Variants in OXCT1 observed in about 807,000 individuals in gnomAD.
OXCT1 encodes the protein 3-oxoacid CoA-transferase 1, also known as succinyl-CoA:3-ketoacid coenzyme A transferase 1, mitochondrial.
Under a neutral mutation model 69.6 loss-of-function variants are expected in OXCT1, and 27 were observed. The ratio of observed to expected loss-of-function variants is 0.39; its 90% CI spans 0.29 to 0.54. The LOEUF (loss-of-function observed/expected upper bound fraction) is 0.54, where lower values mean the gene tolerates loss of function less well. Among genes scored for constraint, OXCT1 ranks in the 20% least tolerant of loss-of-function variants. The pLI is 0.72. For missense variants in OXCT1, 437 were observed against 650.2 expected (o/e 0.67, Z 3.57); for synonymous variants, 202 against 217.8 (o/e 0.93, Z 0.64).
chr5:41,745,590 A>G (rs1743439508), intron 15 of OXCT1, among the ~76,000 whole-genome samples: 1 of 152,202 alleles, frequency 6.6e-6, no homozygotes, highest in African/African-American at 2.4e-5. Flanking sequence ...AAAACCCTTC[A>G]AAAAATCAGT....
intron 13 of OXCT1, among the ~76,000 whole-genome samples, chr5:41,784,646 T>C (rs768943679): frequency 6.6e-6 from 1 of 152,212 alleles, no homozygotes; most frequent in Non-Finnish European, 1.5e-5. Context: ...GCCACAGATG[T>C]GAACTTGAAT....
At chr5:41,795,941 T>C (rs1417843987) in intron 11 of OXCT1, among the ~76,000 whole-genome samples, 2 of 152,176 alleles carry the variant, frequency 1.3e-5, no homozygotes, top group Non-Finnish European at 2.9e-5. Context: ...AATTCCTTAA[T>C]TTCATTTGGC....
chr5:41,749,461 A>G, intron 15 of OXCT1, 66 bp downstream of exon 15: 2 of 935,398 alleles, frequency 2.1e-6, no homozygotes, highest in Non-Finnish European at 3.5e-6. Context: ...ACACTCTTAG[A>G]AGGTAACAAA....
chr5:41,784,997 C>T (rs1165757683), intron 13 of OXCT1, among the ~76,000 whole-genome samples: 5 of 152,066 alleles, frequency 3.3e-5, no homozygotes, highest in Non-Finnish European at 5.9e-5. Flanking sequence ...AACATGTTTT[C>T]CAGATAGTCA....
chr5:41,787,634 C>CAAAAAA (rs765691863), intron 13 of OXCT1, among the ~76,000 whole-genome samples: 3 of 34,724 alleles, frequency 8.6e-5, no homozygotes, highest in African/African-American at 2.8e-4. Flanking sequence ...AAGCATTAGG[C>CAAAAAA]AAAAAAAAAA....
intron 2 of OXCT1, among the ~76,000 whole-genome samples, chr5:41,861,690 A>G (rs1046525139): frequency 1.6e-4 from 25 of 152,166 alleles, no homozygotes; most frequent in African/African-American, 5.3e-4. Context: ...ACTTAACTAT[A>G]TATCTATTGT....
chr5:41,764,435 G>C (rs2112110411), intron 13 of OXCT1, among the ~76,000 whole-genome samples: 1 of 152,216 alleles, frequency 6.6e-6, no homozygotes, highest in South Asian at 2.1e-4. Flanking sequence ...TATAAGTGTT[G>C]CTGTATACTA....
intron 7 of OXCT1, among the ~76,000 whole-genome samples, chr5:41,837,549 A>T (rs1471376300): frequency 6.6e-6 from 1 of 150,746 alleles, no homozygotes; most frequent in Non-Finnish European, 1.5e-5. Context: ...TCTCTAAGGT[A>T]GATGGTACTA....
chr5:41,756,826 C>T (rs1193131677), intron 14 of OXCT1, among the ~76,000 whole-genome samples: 1 of 151,974 alleles, frequency 6.6e-6, no homozygotes, highest in Non-Finnish European at 1.5e-5. Flanking sequence ...ATGTGGATAG[C>T]TAGGAAAAAG....
At chr5:41,774,370 A>T (rs1473051617) in intron 13 of OXCT1, among the ~76,000 whole-genome samples, 1 of 152,226 alleles carries the variant, frequency 6.6e-6, no homozygotes, top group African/African-American at 2.4e-5. Flanking sequence ...AGCAACAAGC[A>T]CACCTAGCAC....
At chr5:41,832,432 T>C (rs980678492) in intron 7 of OXCT1, among the ~76,000 whole-genome samples, 1 of 152,122 alleles carries the variant, frequency 6.6e-6, no homozygotes, top group African/African-American at 2.4e-5. Context: ...AGAAAATTCT[T>C]CTGGATATTA....
At position 41,870,011 on chromosome 5, in the gene OXCT1, C is replaced by A; in HGVS notation, c.78+270G>T. 2.0e-6 allele frequency: 1 copy of A among 497,922 alleles called. No individual in the cohort carries two copies. Among genetic ancestry groups the A allele is most frequent in the Non-Finnish European group, 3.7e-6 (1 of 272,018 alleles). 30.8% of individuals were successfully genotyped at this position (497,922 alleles called of 1,614,324 possible). ...GGGCTCGGGAGCGCTGCCAGGAGTC[C>A]TCCCGCCCCTTCTCAGCCTCTCCGC... On this transcript the variant is annotated intron_variant, in intron 1 of 16. Transcript: ENST00000196371. This position sits in a 1 kb window ranked among gnomAD's most constrained non-coding sequence, Gnocchi z 4.2.
At chr5:41,745,057 G>C (rs1192720638) in intron 15 of OXCT1, among the ~76,000 whole-genome samples, 1 of 151,914 alleles carries the variant, frequency 6.6e-6, no homozygotes, top group Non-Finnish European at 1.5e-5. Context: ...GGACCTAATA[G>C]ATACTACAGA....
intron 16 of OXCT1, among the ~76,000 whole-genome samples, chr5:41,737,063 T>C (rs889032150): frequency 1.3e-5 from 2 of 152,210 alleles, no homozygotes; most frequent in Non-Finnish European, 2.9e-5. Flanking sequence ...GCTCTAGCCT[T>C]ACAGAAAACA....
At position 41,870,225 on chromosome 5, in the gene OXCT1, C is replaced by A; in HGVS notation, c.78+56G>T. ...CAGAGAAGAAAACGCGGGCACCACT[C>A]AGGGTTTGGTCCACGTTCTTCCTGC... is the stretch of plus-strand genomic sequence containing the variant. On this transcript the variant is annotated intron_variant, in intron 1 of 16. Transcript: ENST00000196371. This position sits in a 1 kb window ranked among gnomAD's most constrained non-coding sequence, Gnocchi z 4.2. 1.4e-6 allele frequency: 2 copies of A among 1,382,514 alleles called. No individual in the cohort carries two copies. Among genetic ancestry groups the A allele is most frequent in the South Asian group, 1.2e-5 (1 of 85,640 alleles). The allele number at this position is 1,382,514 out of a possible 1,614,324, so 85.6% of individuals were successfully genotyped here.
At chr5:41,867,515 G>C (rs1175057369) in intron 1 of OXCT1, among the ~76,000 whole-genome samples, 3 of 152,188 alleles carry the variant, frequency 2.0e-5, no homozygotes, top group Non-Finnish European at 4.4e-5. Flanking sequence ...GCACACATAT[G>C]ACACTTGGTG....
At position 41,762,882 on chromosome 5, in the gene OXCT1, G is replaced by T. The variant is rs2112104550; in HGVS notation, c.1249-682C>A. On this transcript the variant is annotated intron_variant, in intron 13 of 16. Coordinates refer to ENST00000196371, the MANE Select transcript of OXCT1 (RefSeq NM_000436.4). The surrounding 1 kb of genome is among the most constrained non-coding windows in gnomAD (Gnocchi z 4.0). ...TATACTTTTACCAACCACCTTCTAT[G>T]TACCACATGCTCTGAAAAAGTCCAT... Among the ~76,000 whole-genome samples, 1 of 152,136 alleles carries T rather than the reference G, an allele frequency of 6.6e-6. No homozygotes were observed. The highest frequency in any genetic ancestry group is 2.1e-4 in the South Asian group (1 of 4,826).
chr5:41,844,633 C>T (rs1310301855), intron 5 of OXCT1, among the ~76,000 whole-genome samples: 1 of 152,038 alleles, frequency 6.6e-6, no homozygotes. Flanking sequence ...AGACTCTCCC[C>T]TGATATGACG....
chr5:41,823,620 A>G (rs1276684470), intron 7 of OXCT1, among the ~76,000 whole-genome samples: 1 of 151,966 alleles, frequency 6.6e-6, no homozygotes, highest in Non-Finnish European at 1.5e-5. Flanking sequence ...ATAATTGTTG[A>G]TTTTTCAGTT....
Sources: gnomAD v4.1 joint callset for allele counts (sites outside exome capture counted in the v4.1 genomes callset) on GRCh38, gnomAD v4.1.1 for gene constraint, Gnocchi (gnomAD v3.1) non-coding constraint, MANE v1.5 for transcripts, NCBI Gene and HGNC (gene_info 2026-07-23, HGNC 2026-07-21) for gene names.